Variants in ACOX2 observed in about 807,000 individuals in gnomAD.
ACOX2 encodes peroxisomal acyl-coenzyme A oxidase 2.
A neutral mutation model predicts 77.5 loss-of-function variants in ACOX2; 59 were observed. The observed-to-expected ratio is 0.76, with a 90% confidence interval of 0.62 to 0.95. The LOEUF (loss-of-function observed/expected upper bound fraction) is 0.95, where lower values mean the gene tolerates loss of function less well. ACOX2 is among the 40% of genes least tolerant of loss of function. The pLI is 0.00. For missense variants in ACOX2, 837 were observed against 880.4 expected (o/e 0.95, Z 0.62); for synonymous variants, 317 against 340.1 (o/e 0.93, Z 0.75).
rs757690937 is a variant in ACOX2, at chr3:58,528,751, C to CCCAGCGCCTG, written c.1155+33_1155+42dup. Reference sequence around the variant, plus strand: ...CCCAGTGAGTGGAACAATCTTAGCTCCCAGCGCCTGCCAGCGCCTGCCCCT... The same window carrying CCCAGCGCCTG: ...CCCAGTGAGTGGAACAATCTTAGCTCCCAGCGCCTGCCAGCGCCTGCCAGCGCCTGCCCCT... On this transcript the variant is annotated intron_variant, in intron 9 of 14. Transcript: ENST00000302819. The surrounding 1 kb of genome is among the most constrained non-coding windows in gnomAD (Gnocchi z 5.6). 160 of 1,565,218 alleles carry CCCAGCGCCTG rather than the reference C, an allele frequency of 1.0e-4. 1 individual carries two copies. The highest frequency in any genetic ancestry group is 3.7e-4 in the African/African-American group (27 of 73,868).
intron 1 of ACOX2, among the ~76,000 whole-genome samples, chr3:58,536,628 G>T (rs550731692): frequency 6.6e-6 from 1 of 152,252 alleles, no homozygotes. Flanking sequence ...TGCTGCCACT[G>T]CCTCCTTGCT....
rs1373964161 is a variant in ACOX2, at chr3:58,526,824, G to A, written c.1156-168C>T. 2.9e-6 allele frequency: 2 copies of A among 701,258 alleles called. No individual in the cohort carries two copies. Among genetic ancestry groups the A allele is most frequent in the Admixed American group, 5.9e-5 (2 of 33,796 alleles). 43.4% of individuals were successfully genotyped at this position (701,258 alleles called of 1,614,324 possible). A position where few individuals can be genotyped will look rare whatever the true frequency, so the allele number is the denominator to read the frequency against. On this transcript the variant is annotated intron_variant, in intron 9 of 14. Transcript: ENST00000302819. This position sits in a 1 kb window ranked among gnomAD's most constrained non-coding sequence, Gnocchi z 4.3. ...ATGAGAAGGCGGGTACTCAGCTTAT[G>A]TGACTCACCCAGAGGCACACAATTA...
rs1397968591 is a variant in ACOX2, at chr3:58,534,179, A to G, written c.324-34T>C. On this transcript the variant is annotated intron_variant, in intron 3 of 14. Coordinates refer to ENST00000302819, the MANE Select transcript of ACOX2 (RefSeq NM_003500.4). This position sits in a 1 kb window ranked among gnomAD's most constrained non-coding sequence, Gnocchi z 4.8. Reference sequence around the variant, plus strand: ...GAGAGATGCTGTAGTTGAGTAGCTTATTGGAGACAGGGGCCCAGGTACCCC... The same window carrying G: ...GAGAGATGCTGTAGTTGAGTAGCTTGTTGGAGACAGGGGCCCAGGTACCCC... The G allele has an allele frequency of 4.3e-6, 7 of 1,611,734 alleles. No individual in the cohort carries two copies. Among genetic ancestry groups the G allele is most frequent in the Non-Finnish European group, 5.9e-6 (7 of 1,178,986 alleles).
intron 13 of ACOX2, chr3:58,511,076 G>C: frequency 2.2e-6 from 1 of 456,524 alleles, no homozygotes; most frequent in Non-Finnish European, 4.4e-6. Flanking sequence ...GAAGCAGTAA[G>C]AGAATCTGTG....
intron 13 of ACOX2, among the ~76,000 whole-genome samples, chr3:58,513,986 G>T (rs1212135154): frequency 6.6e-6 from 1 of 152,088 alleles, no homozygotes; most frequent in Non-Finnish European, 1.5e-5. Context: ...TTAGGAACCA[G>T]TGGGAAAAAA....
chr3:58,524,707 C>G lies in ACOX2; in HGVS notation c.1347-102G>C, dbSNP rs1454922210. On this transcript the variant is annotated intron_variant, in intron 10 of 14. Coordinates refer to ENST00000302819, the MANE Select transcript of ACOX2 (RefSeq NM_003500.4). The surrounding 1 kb of genome is among the most constrained non-coding windows in gnomAD (Gnocchi z 5.5). The stretch of plus-strand genomic sequence containing the variant: ...AGGCAAGCTCATGCTAGGTTCCAGC[C>G]TTCCCGTGGGAGAGCCAGGTCACCA... 2 of 1,323,658 alleles carry G rather than the reference C, an allele frequency of 1.5e-6. No homozygotes were observed. The highest frequency in any genetic ancestry group is 2.9e-5 in the African/African-American group (2 of 68,732). The allele number at this position is 1,323,658 out of a possible 1,614,324, so 82.0% of individuals were successfully genotyped here.
chr3:58,520,467 C>A (rs2063351100), intron 12 of ACOX2, among the ~76,000 whole-genome samples: 1 of 152,264 alleles, frequency 6.6e-6, no homozygotes, highest in African/African-American at 2.4e-5. Context: ...AGGGCTCTTC[C>A]ATGCCCCTTT....
intron 1 of ACOX2, among the ~76,000 whole-genome samples, chr3:58,536,834 T>G (rs2063485366): frequency 6.6e-6 from 1 of 152,204 alleles, no homozygotes; most frequent in African/African-American, 2.4e-5. Flanking sequence ...CTCTCCTTTT[T>G]CTCTTTTCAC....
chr3:58,529,470 TATGTCCGGC>T (rs1403662634), intron 8 of ACOX2, among the ~76,000 whole-genome samples: 4 of 152,220 alleles, frequency 2.6e-5, no homozygotes, highest in South Asian at 2.1e-4. Flanking sequence ...TGCCCAAGGC[TATGTCCGGC>T]ATTTAGGAGC....
chr3:58,530,379 C>T (rs999207932), intron 8 of ACOX2, 87 bp downstream of exon 8: 94 of 1,538,194 alleles, frequency 6.1e-5, no homozygotes, highest in Non-Finnish European at 7.8e-5. Context: ...AGCACTCTGG[C>T]TCTGGCAGAA....
chr3:58,508,778 A>G (rs2063252965), intron 14 of ACOX2, 115 bp downstream of exon 14: 2 of 1,362,358 alleles, frequency 1.5e-6, no homozygotes, highest in Non-Finnish European at 2.0e-6. Context: ...CAGACGTGCT[A>G]CGCCAAGTGA....
chr3:58,517,723 G>A (rs918645323), intron 12 of ACOX2, among the ~76,000 whole-genome samples: 2 of 152,120 alleles, frequency 1.3e-5, no homozygotes, highest in Non-Finnish European at 2.9e-5. Context: ...AAAGAATACA[G>A]GCATATTGGA....
At chr3:58,520,607 A>G (rs1432721207) in intron 12 of ACOX2, among the ~76,000 whole-genome samples, 2 of 152,230 alleles carry the variant, frequency 1.3e-5, no homozygotes, top group Non-Finnish European at 2.9e-5. Flanking sequence ...CTCTTCCCTC[A>G]AGTTGCAGTT....
Position 58,523,190 on chromosome 3 carries a change from G to A in ACOX2, c.1527-589C>T, listed in dbSNP as rs181452634. ...CCTGCCCATCCATCCATGACCCTTA[G>A]AATTTGTGTGTAAAGCAAACTGTTT... On this transcript the variant is annotated intron_variant, in intron 11 of 14. Coordinates refer to ENST00000302819, the MANE Select transcript of ACOX2 (RefSeq NM_003500.4). The surrounding 1 kb of genome is among the most constrained non-coding windows in gnomAD (Gnocchi z 5.3). 6.6e-6 allele frequency among the ~76,000 whole-genome samples: 1 copy of A among 152,282 alleles called. No homozygotes were observed. The highest frequency in any genetic ancestry group is 2.4e-5 in the African/African-American group (1 of 41,546).
In ACOX2 at chr3:58,533,971, C is replaced by G. The variant is rs768126528; in HGVS notation, c.475+23G>C. On this transcript the variant is annotated intron_variant, in intron 4 of 14. Coordinates refer to ENST00000302819, the MANE Select transcript of ACOX2 (RefSeq NM_003500.4). The surrounding 1 kb of genome is among the most constrained non-coding windows in gnomAD (Gnocchi z 5.6). ...GTTTTGCAGTGCACAACCTAAACAC[C>G]ACACGCAGCAGTCCTAGCTCACCAT... The G allele has an allele frequency of 6.2e-7, 1 of 1,613,474 alleles. No homozygotes were observed. The highest frequency in any genetic ancestry group is 2.2e-5 in the East Asian group (1 of 44,872).
At chr3:58,536,508 C>CA (rs1165121806) in intron 1 of ACOX2, among the ~76,000 whole-genome samples, 1 of 152,180 alleles carries the variant, frequency 6.6e-6, no homozygotes, top group Non-Finnish European at 1.5e-5. Context: ...CCAATACCCC[C>CA]AGCAGGGCTG....
At chr3:58,527,100 A>G (rs979894406) in intron 9 of ACOX2, among the ~76,000 whole-genome samples, 4 of 152,120 alleles carry the variant, frequency 2.6e-5, no homozygotes, top group African/African-American at 9.7e-5. Flanking sequence ...CTAACCCTCA[A>G]GGGTTAGGGC....
intron 12 of ACOX2, among the ~76,000 whole-genome samples, chr3:58,518,190 G>T: frequency 6.6e-6 from 1 of 151,842 alleles, no homozygotes; most frequent in South Asian, 2.1e-4. Context: ...CATGGGGTGA[G>T]AAAGTTTCAA....
chr3:58,530,400 AG>A (rs2063428695), intron 8 of ACOX2, 65 bp downstream of exon 8: 2 of 1,567,392 alleles, frequency 1.3e-6, no homozygotes, highest in African/African-American at 1.3e-5. Context: ...GGGTGGTGTC[AG>A]GGGGAGGCAC....
Sources: gnomAD v4.1 joint callset for allele counts (sites outside exome capture counted in the v4.1 genomes callset) on GRCh38, gnomAD v4.1.1 for gene constraint, Gnocchi (gnomAD v3.1) non-coding constraint, MANE v1.5 for transcripts, NCBI Gene and HGNC (gene_info 2026-07-23, HGNC 2026-07-21) for gene names.